The following SORCS1 variants were observed in gnomAD, a reference collection of about 807,000 sequenced individuals.
SORCS1 encodes the protein VPS10 domain-containing receptor SorCS1.
In SORCS1, 60 loss-of-function variants were observed where a neutral mutation model predicts 146.1. The observed-to-expected ratio is 0.41, with a 90% CI of 0.33 to 0.51. The LOEUF is 0.51. Among genes scored for constraint, SORCS1 ranks in the 20% least tolerant of loss-of-function variants. The pLI, the probability that SORCS1 is intolerant of heterozygous loss-of-function variation, is 0.21. For synonymous variants in SORCS1, 637 were observed against 584.0 expected, an observed-to-expected ratio of 1.09 and a Z score of -1.31; for missense variants, 1,352 against 1,487.6, an observed-to-expected ratio of 0.91 and a Z score of 1.50.
At chr10:107,116,589 T>C (rs1565065821) in intron 1 of SORCS1, among the ~76,000 whole-genome samples, 1 of 152,146 alleles carries the variant, frequency 6.6e-6, no homozygotes, top group Non-Finnish European at 1.5e-5. Flanking sequence ...AAATACCGTA[T>C]AATTTCACTT....
intron 2 of SORCS1, among the ~76,000 whole-genome samples, chr10:106,885,245 A>T (rs1950951422): frequency 6.7e-6 from 1 of 148,616 alleles, no homozygotes; most frequent in African/African-American, 2.5e-5. Flanking sequence ...TGTATGTATG[A>T]TTTTTTTTAG....
chr10:107,125,702 A>G (rs1266505114), intron 1 of SORCS1, among the ~76,000 whole-genome samples: 1 of 152,226 alleles, frequency 6.6e-6, no homozygotes, highest in Non-Finnish European at 1.5e-5. Context: ...TAACAGGAAA[A>G]CTAATTCAGT....
intron 20 of SORCS1, 136 bp from the exon 21 acceptor site, chr10:106,618,408 T>A: frequency 9.3e-6 from 10 of 1,077,168 alleles, no homozygotes; most frequent in Non-Finnish European, 1.2e-5. Flanking sequence ...ACTGAGTCCC[T>A]CTATGCCTCC....
chr10:106,706,269 A>C (rs1443777426), intron 8 of SORCS1, among the ~76,000 whole-genome samples: 1 of 151,876 alleles, frequency 6.6e-6, no homozygotes, highest in African/African-American at 2.4e-5. Flanking sequence ...AAAGAGAAAA[A>C]AAGAAAGTAA....
At chr10:106,675,828 GT>G in intron 13 of SORCS1, among the ~76,000 whole-genome samples, 1 of 152,282 alleles carries the variant, frequency 6.6e-6, no homozygotes, top group Non-Finnish European at 1.5e-5. Flanking sequence ...AAAGGAATTA[GT>G]GATCTTTTAA....
intron 3 of SORCS1, among the ~76,000 whole-genome samples, chr10:106,796,818 T>G (rs7920785): frequency 0.15 from 22,476 of 152,084 alleles, 3,044 homozygotes; most frequent in African/African-American, 0.35. Flanking sequence ...ACCTAGAAAA[T>G]AATGTACCTG....
chr10:106,635,959 T>G (rs773777712), intron 18 of SORCS1, among the ~76,000 whole-genome samples: 15 of 152,064 alleles, frequency 9.9e-5, no homozygotes, highest in Non-Finnish European at 1.9e-4. Context: ...TCTAGGGAGG[T>G]AGACTCAGGT....
intron 2 of SORCS1, among the ~76,000 whole-genome samples, chr10:106,948,620 ACTGCCT>A: frequency 6.6e-6 from 1 of 151,274 alleles, no homozygotes; most frequent in African/African-American, 2.4e-5. Context: ...TGATTATTCC[ACTGCCT>A]CAGTGACAGA....
chr10:106,915,075 G>C (rs1044786131), intron 2 of SORCS1, among the ~76,000 whole-genome samples: 2 of 152,156 alleles, frequency 1.3e-5, no homozygotes, highest in East Asian at 3.9e-4. Context: ...CTTATCTTCA[G>C]CTCAGTTCCA....
chr10:107,072,940 C>T (rs1962565736), intron 1 of SORCS1, among the ~76,000 whole-genome samples: 1 of 152,140 alleles, frequency 6.6e-6, no homozygotes, highest in Admixed American at 6.6e-5. Context: ...TATTCAATGA[C>T]ACTGATACAA....
intron 1 of SORCS1, among the ~76,000 whole-genome samples, chr10:107,122,273 A>G (rs1030374188): frequency 1.2e-4 from 18 of 152,164 alleles, no homozygotes; most frequent in Admixed American, 7.2e-4. Flanking sequence ...TCCATGTACT[A>G]TTTCTTCCAT....
intron 1 of SORCS1, among the ~76,000 whole-genome samples, chr10:107,048,128 C>A (rs767849797): frequency 3.3e-5 from 5 of 151,890 alleles, no homozygotes; most frequent in Non-Finnish European, 5.9e-5. Flanking sequence ...CTGGATGGGG[C>A]CTTTCCTTCT....
chr10:106,578,848 T>A, intron 25 of SORCS1: 1 of 1,363,838 alleles, frequency 7.3e-7, no homozygotes, highest in South Asian at 1.7e-5. Flanking sequence ...GCCCAATATT[T>A]TAGGGAGGGT....
At chr10:106,582,428 A>G (rs1844977773) in intron 24 of SORCS1, among the ~76,000 whole-genome samples, 1 of 152,208 alleles carries the variant, frequency 6.6e-6, no homozygotes, top group Non-Finnish European at 1.5e-5. Flanking sequence ...CAGTGGCCAG[A>G]GACTGACTAC....
At chr10:106,780,620 C>A (rs1860815340) in intron 3 of SORCS1, among the ~76,000 whole-genome samples, 1 of 152,166 alleles carries the variant, frequency 6.6e-6, no homozygotes, top group African/African-American at 2.4e-5. Flanking sequence ...GGGGCCCCTG[C>A]AACACTGGGA....
intron 1 of SORCS1, among the ~76,000 whole-genome samples, chr10:107,028,204 T>C (rs1386080084): frequency 1.6e-4 from 25 of 152,184 alleles, no homozygotes; most frequent in Admixed American, 1.6e-3. Context: ...ACTCAGATGG[T>C]TGAAAAGGAA....
intron 1 of SORCS1, among the ~76,000 whole-genome samples, chr10:107,134,063 T>C (rs1028825327): frequency 3.3e-5 from 5 of 152,134 alleles, no homozygotes; most frequent in African/African-American, 1.2e-4. Context: ...CTAGTAGTAG[T>C]AGCAGTGCTA....
chr10:106,691,571 G>A (rs1853300207), intron 9 of SORCS1, among the ~76,000 whole-genome samples: 1 of 152,052 alleles, frequency 6.6e-6, no homozygotes, highest in Admixed American at 6.5e-5. Context: ...AAGTACATCG[G>A]TGCATTTCCT....
At chr10:106,868,241 T>C (rs1312962169) in intron 2 of SORCS1, among the ~76,000 whole-genome samples, 1 of 152,088 alleles carries the variant, frequency 6.6e-6, no homozygotes, top group Non-Finnish European at 1.5e-5. Context: ...GACTCCCACA[T>C]AATAATAGCG....
Sources: allele counts gnomAD v4.1 joint callset (sites outside exome capture counted in the v4.1 genomes callset), GRCh38; gene constraint gnomAD v4.1.1; transcripts MANE v1.5; gene names NCBI Gene and HGNC (gene_info 2026-07-23, HGNC 2026-07-21).